The following FGD6 variants were observed in gnomAD, a reference collection of about 807,000 sequenced individuals.
The protein encoded by FGD6 is FYVE, RhoGEF and PH domain-containing protein 6.
FGD6 carries 90 observed loss-of-function variants against 149.4 expected under a neutral mutation model. The observed-to-expected ratio is 0.60, with a 90% confidence interval of 0.51 to 0.72. The LOEUF (loss-of-function observed/expected upper bound fraction) is 0.72, where lower values mean the gene tolerates loss of function less well. FGD6 is among the 30% of genes least tolerant of loss of function. The pLI is 0.00. For missense variants in FGD6, 1,437 were observed against 1,684.8 expected (o/e 0.85, Z 2.57); for synonymous variants, 527 against 584.0 (o/e 0.90, Z 1.41).
At chr12:95,167,591 T>TC (rs34650982) in intron 3 of FGD6, among the ~76,000 whole-genome samples, 11 of 151,590 alleles carry the variant, frequency 7.3e-5, no homozygotes, top group African/African-American at 2.4e-4. Context: ...TTTTTTTTTT[T>TC]TGAGATGGAG....
rs190705057 is a variant in FGD6, at chr12:95,081,900, G to A, written c.4257-344C>T. On this transcript the variant is annotated intron_variant, in intron 20 of 20. Transcript: ENST00000343958. ...TTGGTCAGGCTGGTCTTGGACTCCC[G>A]ACCTCATGTGATCGGCCTGCCTCGG... 5.9e-5 allele frequency among the ~76,000 whole-genome samples: 9 copies of A among 152,042 alleles called. No individual in the cohort carries two copies. In the East Asian group the frequency reaches 1.2e-3, roughly 20 times the overall value.
chr12:95,175,061 G>T (rs1353384762), intron 2 of FGD6, among the ~76,000 whole-genome samples: 2 of 152,038 alleles, frequency 1.3e-5, no homozygotes, highest in Admixed American at 1.3e-4. Context: ...ATCCATTAGG[G>T]ATACAAGAGG....
At chr12:95,208,667 T>G (rs1330326364) in intron 2 of FGD6, among the ~76,000 whole-genome samples, 176 bp downstream of exon 2, 1 of 152,216 alleles carries the variant, frequency 6.6e-6, no homozygotes, top group Non-Finnish European at 1.5e-5. Flanking sequence ...AAGCTTGTAT[T>G]GCAAATACCC....
chr12:95,111,436 A>G (rs756208155), intron 9 of FGD6, among the ~76,000 whole-genome samples: 3 of 152,192 alleles, frequency 2.0e-5, no homozygotes, highest in African/African-American at 4.8e-5. Context: ...AATGGAGCTA[A>G]TAACTCACTT....
intron 3 of FGD6, among the ~76,000 whole-genome samples, chr12:95,157,032 AACCTAAT>A (rs1880492668): frequency 6.6e-6 from 1 of 152,172 alleles, no homozygotes; most frequent in Non-Finnish European, 1.5e-5. Context: ...ATTACTGCTA[AACCTAAT>A]ACCCACACAT....
At chr12:95,101,216 G>A (rs1012455446) in intron 14 of FGD6, among the ~76,000 whole-genome samples, 2 of 151,544 alleles carry the variant, frequency 1.3e-5, no homozygotes, top group African/African-American at 2.4e-5. Context: ...GCATGGCGGC[G>A]CACCCCTGTA....
intron 17 of FGD6, among the ~76,000 whole-genome samples, chr12:95,091,436 A>G (rs1350182843): frequency 6.6e-6 from 1 of 152,254 alleles, no homozygotes; most frequent in African/African-American, 2.4e-5. Flanking sequence ...CTTGAAAGTT[A>G]AAGTTCCCTT....
intron 8 of FGD6, among the ~76,000 whole-genome samples, chr12:95,123,019 T>C (rs1592841756): frequency 6.6e-6 from 1 of 151,104 alleles, no homozygotes; most frequent in Non-Finnish European, 1.5e-5. Flanking sequence ...GAAGTGGAGG[T>C]TGCACAGCCT....
In FGD6 at chr12:95,197,555, C is replaced by T. The variant is rs1210067157; in HGVS notation, c.2441+11288G>A. Among the ~76,000 whole-genome samples the T allele has an allele frequency of 5.3e-5, 8 of 152,282 alleles. No homozygotes were observed. In the East Asian group the frequency reaches 1.5e-3, roughly 29 times the overall value. ...CTGCGTCTTTTGGGGGACTATACCCCTACCATTCATTTAAATCTATTTTTT... is the reference window on the plus strand; with the variant it reads ...CTGCGTCTTTTGGGGGACTATACCCTTACCATTCATTTAAATCTATTTTTT... On this transcript the variant is annotated intron_variant, in intron 2 of 20. Coordinates refer to ENST00000343958, the MANE Select transcript of FGD6 (RefSeq NM_018351.4).
chr12:95,182,559 C>T (rs930923103), intron 2 of FGD6, among the ~76,000 whole-genome samples: 3 of 152,108 alleles, frequency 2.0e-5, no homozygotes, highest in African/African-American at 7.2e-5. Flanking sequence ...AATGGTGATG[C>T]CATTTATTTC....
At chr12:95,187,712 G>A (rs916724873) in intron 2 of FGD6, among the ~76,000 whole-genome samples, 6 of 151,110 alleles carry the variant, frequency 4.0e-5, no homozygotes, top group Non-Finnish European at 7.4e-5. Context: ...TATCAATCAT[G>A]TGAAACAGCT....
At chr12:95,217,195 T>A (rs2056829971) in intron 1 of FGD6, 30 bp downstream of exon 1, 1 of 1,611,946 alleles carries the variant, frequency 6.2e-7, no homozygotes, top group Non-Finnish European at 8.5e-7. Flanking sequence ...CCACAAACTT[T>A]CCCGCGGCAG....
At chr12:95,145,881 C>T (rs962295865) in intron 5 of FGD6, among the ~76,000 whole-genome samples, 3 of 152,082 alleles carry the variant, frequency 2.0e-5, no homozygotes, top group Non-Finnish European at 4.4e-5. Context: ...ACCAGGTTGG[C>T]CAGACTGGTC....
chr12:95,180,619 A>G (rs1315374611), intron 2 of FGD6, among the ~76,000 whole-genome samples: 1 of 152,132 alleles, frequency 6.6e-6, no homozygotes, highest in East Asian at 1.9e-4. Context: ...GATGGGCTCA[A>G]ACTCCTAGGC....
intron 3 of FGD6, among the ~76,000 whole-genome samples, chr12:95,161,783 TTC>T (rs142058462): frequency 0.044 from 6,644 of 152,214 alleles, 200 homozygotes; most frequent in Middle Eastern, 0.099. Flanking sequence ...GTAACTGACT[TTC>T]TGTCATTTGA....
At chr12:95,119,128 G>C (rs1423445460) in intron 8 of FGD6, among the ~76,000 whole-genome samples, 1 of 152,020 alleles carries the variant, frequency 6.6e-6, no homozygotes, top group Non-Finnish European at 1.5e-5. Flanking sequence ...TAATAATAAA[G>C]ATAGAAATGC....
chr12:95,149,500 ATATAG>A (rs1880229526), intron 5 of FGD6, among the ~76,000 whole-genome samples: 1 of 136,990 alleles, frequency 7.3e-6, no homozygotes, highest in Non-Finnish European at 1.5e-5. Context: ...TATACATAAT[ATATAG>A]TATATTATAT....
At chr12:95,135,693 G>A (rs1187006867) in intron 7 of FGD6, among the ~76,000 whole-genome samples, 1 of 152,152 alleles carries the variant, frequency 6.6e-6, no homozygotes, top group African/African-American at 2.4e-5. Context: ...GATAAGTTTT[G>A]TTAGATTTGC....
In FGD6 at chr12:95,078,255, G is replaced by A. The variant is rs946058941; in HGVS notation, c.*3265C>T. ...AGTATCTGCCTTCAAGGAGTGTGTG[G>A]TACACTAAGAAAAACAATATGTATC... On this transcript the variant is annotated 3_prime_UTR_variant, in exon 21 of 21. Coordinates refer to ENST00000343958, the MANE Select transcript of FGD6 (RefSeq NM_018351.4). The A allele has an allele frequency of 2.0e-5, 3 of 152,102 alleles. No homozygotes were observed. The highest frequency in any genetic ancestry group is 7.2e-5 in the African/African-American group (3 of 41,418). The allele number at this position is 152,102 out of a possible 1,614,324, so 9.4% of individuals were successfully genotyped here. A position where few individuals can be genotyped will look rare whatever the true frequency, so the allele number is the denominator to read the frequency against.
Sources: allele counts gnomAD v4.1 joint callset (sites outside exome capture counted in the v4.1 genomes callset), GRCh38; gene constraint gnomAD v4.1.1; transcripts MANE v1.5; gene names NCBI Gene and HGNC (gene_info 2026-07-23, HGNC 2026-07-21).